B4GALT5: variants seen among roughly 807,000 people sequenced by gnomAD.
The protein encoded by B4GALT5 is beta-1,4-galactosyltransferase 5.
Under a neutral mutation model 45.0 loss-of-function variants are expected in B4GALT5, and 11 were observed. The ratio of observed to expected loss-of-function variants is 0.24; its 90% CI spans 0.15 to 0.40. The LOEUF is 0.40. B4GALT5 is among the 10% of genes least tolerant of loss of function. The pLI is 1.00. For synonymous variants in B4GALT5, 185 were observed against 182.9 expected (o/e 1.01, Z -0.09); for missense variants, 337 against 500.2 (o/e 0.67, Z 3.11).
chr20:49,713,808 C>CG lies in B4GALT5; in HGVS notation c.-119dup, dbSNP rs2085933197. 1 of 167,788 alleles carries CG rather than the reference C, an allele frequency of 6.0e-6. No individual in the cohort carries two copies. The highest frequency in any genetic ancestry group is 2.4e-5 in the African/African-American group (1 of 41,158). The allele number at this position is 167,788 out of a possible 1,614,324, so 10.4% of individuals were successfully genotyped here. A position where few individuals can be genotyped will look rare whatever the true frequency, so the allele number is the denominator to read the frequency against. On this transcript the variant is annotated 5_prime_UTR_variant, in exon 1 of 9. An upstream open reading frame in the 5' UTR gains an earlier in-frame stop. Transcript: ENST00000371711. ...GCCTCGGCCACCGCCTCCCGGGCCTCGCGGGCCGCCACTCGCCGCCGCCGC... is the reference window on the plus strand; with the variant it reads ...GCCTCGGCCACCGCCTCCCGGGCCTCGGCGGGCCGCCACTCGCCGCCGCCGC...
chr20:49,672,352 T>C (rs1183991195), intron 1 of B4GALT5, among the ~76,000 whole-genome samples: 2 of 152,192 alleles, frequency 1.3e-5, no homozygotes, highest in Non-Finnish European at 2.9e-5. Context: ...AGGCAAAAGA[T>C]GCCAGAGAAA....
intron 8 of B4GALT5, 62 bp downstream of exon 8, chr20:49,637,279 A>G: frequency 2.1e-6 from 3 of 1,454,104 alleles, no homozygotes; most frequent in Non-Finnish European, 2.9e-6. Flanking sequence ...AATATGCTCT[A>G]AGATATCCGG....
At position 49,702,241 on chromosome 20, in the gene B4GALT5, T is replaced by C. The variant is rs540795253; in HGVS notation, c.115+11335A>G. ...TAAAGAAAGAAAACAGCTTCAAACTTAAACACGTTAGAGCAAGAGAAACAA... is the reference window on the plus strand; with the variant it reads ...TAAAGAAAGAAAACAGCTTCAAACTCAAACACGTTAGAGCAAGAGAAACAA... On this transcript the variant is annotated intron_variant, in intron 1 of 8. Coordinates refer to ENST00000371711, the MANE Select transcript of B4GALT5 (RefSeq NM_004776.4). 1.5e-3 allele frequency among the ~76,000 whole-genome samples: 234 copies of C among 152,168 alleles called. 1 individual carries two copies. The highest frequency in any genetic ancestry group is 2.3e-3 in the Non-Finnish European group (156 of 68,006).
At chr20:49,711,555 C>T (rs1268625368) in intron 1 of B4GALT5, among the ~76,000 whole-genome samples, 1 of 152,212 alleles carries the variant, frequency 6.6e-6, no homozygotes, top group African/African-American at 2.4e-5. Context: ...CAAATCCCAT[C>T]TTTTCACACC....
intron 1 of B4GALT5, among the ~76,000 whole-genome samples, chr20:49,659,538 T>C (rs6067170): frequency 6.6e-6 from 1 of 152,008 alleles, no homozygotes; most frequent in African/African-American, 2.4e-5. Context: ...ACATAGTATT[T>C]TTTTTTCTAA....
intron 1 of B4GALT5, among the ~76,000 whole-genome samples, chr20:49,659,569 A>G (rs1034625309): frequency 6.6e-6 from 1 of 152,226 alleles, no homozygotes; most frequent in Non-Finnish European, 1.5e-5. Flanking sequence ...GAACTAGCAC[A>G]ATGCTAAAAA....
chr20:49,662,724 C>T (rs1270730169), intron 1 of B4GALT5, among the ~76,000 whole-genome samples: 1 of 152,168 alleles, frequency 6.6e-6, no homozygotes, highest in Non-Finnish European at 1.5e-5. Flanking sequence ...AGCTTTCCCC[C>T]CAAAATGTTC....
intron 3 of B4GALT5, among the ~76,000 whole-genome samples, chr20:49,644,194 T>A (rs1043645404): frequency 6.6e-6 from 1 of 152,042 alleles, no homozygotes; most frequent in Non-Finnish European, 1.5e-5. Flanking sequence ...CCCAAAATGT[T>A]AGGATTACAG....
At chr20:49,702,363 G>C (rs1390823105) in intron 1 of B4GALT5, among the ~76,000 whole-genome samples, 1 of 152,106 alleles carries the variant, frequency 6.6e-6, no homozygotes, top group Non-Finnish European at 1.5e-5. Context: ...ACACTGTAGG[G>C]AGCAAAAGGT....
intron 1 of B4GALT5, among the ~76,000 whole-genome samples, chr20:49,704,517 A>G (rs1402417112): frequency 6.6e-6 from 1 of 151,876 alleles, no homozygotes; most frequent in Non-Finnish European, 1.5e-5. Context: ...CAGGAGATCG[A>G]GACCATCCCG....
chr20:49,652,959 G>C (rs1211966362), intron 2 of B4GALT5, among the ~76,000 whole-genome samples: 4 of 152,186 alleles, frequency 2.6e-5, no homozygotes, highest in African/African-American at 9.7e-5. Flanking sequence ...CAGCAGTGCT[G>C]GGCCCAGAAT....
chr20:49,701,184 T>C (rs995844500), intron 1 of B4GALT5, among the ~76,000 whole-genome samples: 9 of 152,180 alleles, frequency 5.9e-5, no homozygotes, highest in African/African-American at 2.2e-4. Flanking sequence ...TATAAGAAAA[T>C]AGCAAAATCA....
At position 49,637,415 on chromosome 20, in the gene B4GALT5, G is replaced by A. The variant is rs2085558673; in HGVS notation, c.945C>T (p.Ser315=). Residue 315 remains serine (S), a synonymous_variant, in exon 8 of 9, where the codon AGC becomes AGT. Transcript: ENST00000371711. ...ACTTTCCTGTGTCACCCTCTGGCCG[G>A]CTCACAGAATAGCCTGCATTCTGTA... ...NRVQNAGYSV[S]RPEGDTGKYK... is the part of the protein sequence containing the mutation. 1.2e-6 allele frequency: 2 copies of A among 1,614,044 alleles called. No individual in the cohort carries two copies. Among genetic ancestry groups the A allele is most frequent in the Middle Eastern group, 3.3e-4 (2 of 6,062 alleles).
intron 1 of B4GALT5, among the ~76,000 whole-genome samples, chr20:49,697,238 G>GT (rs2085842937): frequency 2.6e-5 from 4 of 152,236 alleles, no homozygotes; most frequent in African/African-American, 7.2e-5. Context: ...CACCCAGGCA[G>GT]TTGTTGTCTG....
intron 3 of B4GALT5, among the ~76,000 whole-genome samples, chr20:49,644,941 A>G (rs1267553689): frequency 6.6e-6 from 1 of 152,222 alleles, no homozygotes; most frequent in African/African-American, 2.4e-5. Context: ...ACAATTTTAA[A>G]AAAAGAAGTG....
At chr20:49,642,417 A>C (rs527264311) in intron 5 of B4GALT5, 51 bp downstream of exon 5, 1 of 1,381,122 alleles carries the variant, frequency 7.2e-7, no homozygotes, top group East Asian at 2.3e-5. Context: ...GCAGCAACCT[A>C]AACTGCTGTC....
intron 1 of B4GALT5, among the ~76,000 whole-genome samples, chr20:49,689,559 C>G (rs1411012859): frequency 6.6e-6 from 1 of 152,222 alleles, no homozygotes; most frequent in East Asian, 1.9e-4. Context: ...TACTCACCAT[C>G]TTGATTCCAC....
At chr20:49,713,090 T>G (rs2085925075) in intron 1 of B4GALT5, among the ~76,000 whole-genome samples, 2 of 127,550 alleles carry the variant, frequency 1.6e-5, no homozygotes, top group East Asian at 2.3e-4. Flanking sequence ...GGAGGATGGA[T>G]GGGAGCTAGA....
At chr20:49,687,501 G>T (rs2085791357) in intron 1 of B4GALT5, among the ~76,000 whole-genome samples, 2 of 151,982 alleles carry the variant, frequency 1.3e-5, no homozygotes, top group Admixed American at 6.6e-5. Flanking sequence ...AAAATTAGCC[G>T]GGTGTGGTGG....
Sources: gnomAD v4.1 joint callset for allele counts (sites outside exome capture counted in the v4.1 genomes callset) on GRCh38, gnomAD v4.1.1 for gene constraint, MANE v1.5 for transcripts, NCBI Gene and HGNC (gene_info 2026-07-23, HGNC 2026-07-21) for gene names.